The following DMD variants were observed in gnomAD, a reference collection of about 807,000 sequenced individuals.
The protein encoded by DMD is dystrophin.
In DMD, 63 loss-of-function variants were observed where a neutral mutation model predicts 330.1. The ratio of observed to expected loss-of-function variants is 0.19; its 90% CI spans 0.16 to 0.24. DMD has a LOEUF of 0.24. DMD is among the 10% of genes least tolerant of loss of function. DMD has a pLI of 1.00. For synonymous variants in DMD, 1,223 were observed against 959.8 expected (o/e 1.27, Z -5.07); for missense variants, 3,344 against 2,684.1 (o/e 1.25, Z -5.43).
chrX:32,112,303 G>A (rs1433409424), intron 44 of DMD, among the ~76,000 whole-genome samples: 1 of 111,915 alleles, frequency 8.9e-6, no homozygotes, highest in Non-Finnish European at 1.9e-5. Flanking sequence ...TGATCAAGCA[G>A]GTCTGAGATG....
intron 2 of DMD, among the ~76,000 whole-genome samples, chrX:32,913,471 T>C (rs544091096): frequency 1.8e-5 from 2 of 112,229 alleles, no homozygotes; most frequent in African/African-American, 6.5e-5. Flanking sequence ...AATGAAATAC[T>C]ACAGTTATAA....
At chrX:32,922,950 C>A (rs1408597373) in intron 2 of DMD, among the ~76,000 whole-genome samples, 1 of 112,077 alleles carries the variant, frequency 8.9e-6, no homozygotes, top group Admixed American at 9.4e-5. Context: ...TATTAAATTA[C>A]AAAAGTAAAA....
intron 9 of DMD, among the ~76,000 whole-genome samples, chrX:32,673,063 G>A (rs182518302): frequency 1.3e-3 from 147 of 111,455 alleles, no homozygotes; most frequent in African/African-American, 4.6e-3. Context: ...GTGCATGTGC[G>A]TGTGTGTGTC....
rs2094299173 is a variant in DMD, at chrX:33,041,424, G to T, written c.32-21224C>A. 9 of 1,198,914 alleles carry T rather than the reference G, an allele frequency of 7.5e-6. No homozygotes were observed. The South Asian group carries it at 1.6e-4, about 21-fold the overall frequency. On this transcript the variant is annotated intron_variant, in intron 1 of 78. Coordinates refer to ENST00000357033, the MANE Select transcript of DMD (RefSeq NM_004006.3). ...CCGATCCTCGCGTGAGACAGATCAA[G>T]ATCAAGACCGGTGTGGTGAAGCGGT...
At chrX:31,871,401 T>A (rs926919206) in intron 48 of DMD, among the ~76,000 whole-genome samples, 9 of 111,354 alleles carry the variant, frequency 8.1e-5, no homozygotes, top group East Asian at 2.8e-4. Flanking sequence ...AGCTTTTTTT[T>A]ATCTGGGTTT....
chrX:32,784,322 AG>A (rs2075167133), intron 7 of DMD, among the ~76,000 whole-genome samples: 1 of 111,575 alleles, frequency 9.0e-6, no homozygotes, highest in Admixed American at 9.5e-5. Flanking sequence ...CTCATGTTGG[AG>A]GTGATTAATT....
At chrX:32,801,716 C>T (rs940520431) in intron 7 of DMD, among the ~76,000 whole-genome samples, 2 of 111,775 alleles carry the variant, frequency 1.8e-5, no homozygotes, top group Admixed American at 1.9e-4. Context: ...CAGTTTCAGT[C>T]TTCTGCATAT....
chrX:32,238,050 G>A (rs1050291700), intron 43 of DMD, among the ~76,000 whole-genome samples: 1 of 111,351 alleles, frequency 9.0e-6, no homozygotes, highest in Non-Finnish European at 1.9e-5. Context: ...TAGATTTCTG[G>A]GGAAAAAAGG....
chrX:31,900,877 C>T (rs16989931), intron 47 of DMD, among the ~76,000 whole-genome samples: 1,144 of 111,551 alleles, frequency 0.01, 18 homozygotes, highest in African/African-American at 0.036. Context: ...TGTAATTCAA[C>T]CCCTGCATTG....
At chrX:31,228,128 G>T (rs750186884) in intron 63 of DMD, among the ~76,000 whole-genome samples, 3 of 106,098 alleles carry the variant, frequency 2.8e-5, no homozygotes, top group South Asian at 8.5e-4. Context: ...GAGTGGGGGG[G>T]ATAGCACTGG....
chrX:31,260,914 A>G, intron 63 of DMD, 41 bp downstream of exon 63: 1 of 1,153,326 alleles, frequency 8.7e-7, no homozygotes, highest in Non-Finnish European at 1.2e-6. Flanking sequence ...CCTAAAGGTC[A>G]CCTGTCATTT....
At chrX:31,216,458 T>TG (rs2045418106) in intron 64 of DMD, among the ~76,000 whole-genome samples, 1 of 112,588 alleles carries the variant, frequency 8.9e-6, no homozygotes, top group South Asian at 3.7e-4. Flanking sequence ...AAAATTAGTT[T>TG]GGCCATGTCC....
chrX:32,548,796 T>C (rs2049233273), intron 16 of DMD, among the ~76,000 whole-genome samples: 1 of 111,636 alleles, frequency 9.0e-6, no homozygotes, highest in East Asian at 2.8e-4. Flanking sequence ...ATTTATATAT[T>C]AAGATCTATG....
chrX:33,302,369 A>T (rs2053678476), intron 1 of DMD, among the ~76,000 whole-genome samples: 2 of 111,745 alleles, frequency 1.8e-5, no homozygotes, highest in Admixed American at 1.9e-4. Context: ...CACCAACAAG[A>T]AAGGGCATGC....
intron 62 of DMD, among the ~76,000 whole-genome samples, chrX:31,283,542 G>T (rs1045113287): frequency 9.0e-6 from 1 of 111,194 alleles, no homozygotes; most frequent in African/African-American, 3.3e-5. Context: ...TTATACTGAC[G>T]ATTTGGTCCT....
chrX:33,135,825 C>T (rs922930380), intron 1 of DMD, among the ~76,000 whole-genome samples: 1 of 111,892 alleles, frequency 8.9e-6, no homozygotes, highest in Non-Finnish European at 1.9e-5. Flanking sequence ...TAATATTTAA[C>T]ATATAAGGTA....
At chrX:31,600,675 A>G (rs922415111) in intron 55 of DMD, among the ~76,000 whole-genome samples, 8 of 108,825 alleles carry the variant, frequency 7.4e-5, no homozygotes, top group Middle Eastern at 4.7e-3. Flanking sequence ...ACCACTGCAG[A>G]GAAGGGAGAG....
chrX:31,967,300 GTGTGTGTGT>G, intron 45 of DMD, among the ~76,000 whole-genome samples: 1 of 9,456 alleles, frequency 1.1e-4, no homozygotes, highest in East Asian at 3.7e-3. Context: ...GGCAAGGGGT[GTGTGTGTGT>G]GTGTGTGTGT....
chrX:31,794,152 T>A (rs1444958175), intron 50 of DMD, among the ~76,000 whole-genome samples: 1 of 111,810 alleles, frequency 8.9e-6, no homozygotes, highest in Non-Finnish European at 1.9e-5. Context: ...GATTGAAGAT[T>A]ATAGTATACG....
Sources: allele counts gnomAD v4.1 joint callset (sites outside exome capture counted in the v4.1 genomes callset), GRCh38; gene constraint gnomAD v4.1.1; transcripts MANE v1.5; gene names NCBI Gene and HGNC (gene_info 2026-07-23, HGNC 2026-07-21).